Variants in SGCZ observed in about 807,000 individuals in gnomAD.
SGCZ encodes sarcoglycan zeta, also known as zeta-sarcoglycan.
Under a neutral mutation model 41.3 loss-of-function variants are expected in SGCZ, and 40 were observed. That is an observed-to-expected ratio of 0.97 (90% CI 0.75 to 1.26). The LOEUF (loss-of-function observed/expected upper bound fraction) is 1.26. Among genes scored for constraint, SGCZ ranks in the 50% most tolerant of loss-of-function variants. The pLI is 0.00. For missense variants in SGCZ, 552 were observed against 369.8 expected (o/e 1.49, Z -4.04); for synonymous variants, 206 against 137.5 (o/e 1.50, Z -3.49).
intron 1 of SGCZ, among the ~76,000 whole-genome samples, chr8:15,114,258 T>C (rs1195096717): frequency 6.6e-6 from 1 of 152,180 alleles, no homozygotes; most frequent in Non-Finnish European, 1.5e-5. Flanking sequence ...CTGGATGCCT[T>C]GTATATTTGA....
At chr8:14,585,026 C>T (rs1208479804) in intron 1 of SGCZ, among the ~76,000 whole-genome samples, 5 of 152,122 alleles carry the variant, frequency 3.3e-5, no homozygotes, top group Non-Finnish European at 5.9e-5. Flanking sequence ...AAAAATCTAA[C>T]TCATTCAACT....
At chr8:14,807,248 A>G (rs1191032851) in intron 1 of SGCZ, among the ~76,000 whole-genome samples, 2 of 152,114 alleles carry the variant, frequency 1.3e-5, no homozygotes, top group African/African-American at 4.8e-5. Flanking sequence ...GGCAGGAGAA[A>G]GAAATAAAGG....
In SGCZ at chr8:14,736,708, T is replaced by G. The variant is rs542428369; in HGVS notation, c.40-181782A>C. Among the ~76,000 whole-genome samples the G allele has an allele frequency of 2.9e-3, 444 of 152,202 alleles. 6 individuals are homozygous for G. Among genetic ancestry groups the G allele is most frequent in the African/African-American group, 0.01 (430 of 41,534 alleles). On this transcript the variant is annotated intron_variant, in intron 1 of 7. Coordinates refer to ENST00000382080, the MANE Select transcript of SGCZ (RefSeq NM_139167.4). Reference sequence around the variant, plus strand: ...GTCCTCATAGCTTAGCTCCCACATATCAGTGAGAATATACGATGTTTGGTT... The same window carrying G: ...GTCCTCATAGCTTAGCTCCCACATAGCAGTGAGAATATACGATGTTTGGTT...
chr8:14,087,306 T>A lies in SGCZ; in HGVS notation c.*3137A>T, dbSNP rs924288858. 3.6e-5 allele frequency among the ~76,000 whole-genome samples: 1 copy of A among 27,676 alleles called. No homozygotes were observed. The highest frequency in any genetic ancestry group is 3.9e-4 in the Admixed American group (1 of 2,532). The allele number at this position is 27,676 out of a possible 152,430, so 18.2% of individuals were successfully genotyped here. On this transcript the variant is annotated 3_prime_UTR_variant, in exon 8 of 8. Transcript: ENST00000382080. ...TTGGAAGTTTTTGTTGTTCTTGCTG[T>A]TTTTTTTTGAAGTATTTAATTGAAA...
intron 2 of SGCZ, among the ~76,000 whole-genome samples, chr8:14,418,010 G>T (rs895755490): frequency 2.0e-5 from 3 of 151,730 alleles, no homozygotes; most frequent in Non-Finnish European, 2.9e-5. Flanking sequence ...TACAAAAGGA[G>T]TCCTGATCCT....
chr8:14,312,154 C>G (rs1175760211), intron 3 of SGCZ, among the ~76,000 whole-genome samples: 1 of 151,900 alleles, frequency 6.6e-6, no homozygotes, highest in Non-Finnish European at 1.5e-5. Flanking sequence ...TGTATACATG[C>G]CTATAATTAA....
At chr8:14,823,530 C>T (rs1035166393) in intron 1 of SGCZ, among the ~76,000 whole-genome samples, 1 of 152,088 alleles carries the variant, frequency 6.6e-6, no homozygotes, top group Non-Finnish European at 1.5e-5. Flanking sequence ...ACAATAAATA[C>T]CACCTCTTTC....
At position 14,312,942 on chromosome 8, in the gene SGCZ, TCACCTTC is replaced by T. The variant is rs375611965; in HGVS notation, c.336+11154_336+11160del. Among the ~76,000 whole-genome samples the T allele has an allele frequency of 5.3e-3, 806 of 152,288 alleles. 4 individuals are homozygous for T. Among genetic ancestry groups the T allele is most frequent in the Non-Finnish European group, 7.2e-3 (492 of 68,020 alleles). ...TAATAGAATTCTATAGACATTCCCT[TCACCTTC>T]TTACTAAGAAGACTGCGGATTCCTT... is the stretch of plus-strand genomic sequence containing the variant. On this transcript the variant is annotated intron_variant, in intron 3 of 7. Coordinates refer to ENST00000382080, the MANE Select transcript of SGCZ (RefSeq NM_139167.4).
At position 15,096,754 on chromosome 8, in the gene SGCZ, C is replaced by A. The variant is rs113793097; in HGVS notation, c.39+140831G>T. Among the ~76,000 whole-genome samples, 956 of 152,146 alleles carry A rather than the reference C, an allele frequency of 6.3e-3. 8 individuals carry two copies. Among genetic ancestry groups the A allele is most frequent in the African/African-American group, 0.021 (886 of 41,508 alleles). ...AGGCTGGAGTGCAGTGGTGCAATCT[C>A]GGCTCACTGTAACCTCCACCTCCAG... On this transcript the variant is annotated intron_variant, in intron 1 of 7. Transcript: ENST00000382080.
chr8:14,246,855 A>G (rs867464788), intron 3 of SGCZ, among the ~76,000 whole-genome samples: 91 of 142,772 alleles, frequency 6.4e-4, no homozygotes, highest in African/African-American at 2.2e-3. Context: ...GCTTGCAGTG[A>G]GCCGAGATCG....
At chr8:14,504,868 C>T (rs1188268773) in intron 2 of SGCZ, among the ~76,000 whole-genome samples, 1 of 152,116 alleles carries the variant, frequency 6.6e-6, no homozygotes, top group South Asian at 2.1e-4. Flanking sequence ...TTTCACTTTC[C>T]TCTTTCTTTA....
chr8:14,886,995 G>T (rs148528555), intron 1 of SGCZ, among the ~76,000 whole-genome samples: 1 of 152,084 alleles, frequency 6.6e-6, no homozygotes, highest in Non-Finnish European at 1.5e-5. Context: ...CAACGATGAC[G>T]TCAGAGTTTT....
In SGCZ at chr8:15,127,235, C is replaced by A. The variant is rs1030025534; in HGVS notation, c.39+110350G>T. 2.5e-3 allele frequency among the ~76,000 whole-genome samples: 41 copies of A among 16,288 alleles called. No individual in the cohort carries two copies. In the East Asian group the frequency reaches 0.079, roughly 31 times the overall value. 10.7% of individuals were successfully genotyped at this position (16,288 alleles called of 152,430 possible). ...TAAAAAGTAGAAACATCTATAGGCA[C>A]ACACACACACACACACACACAAACA... On this transcript the variant is annotated intron_variant, in intron 1 of 7. Transcript: ENST00000382080.
At chr8:14,934,842 A>C (rs909890477) in intron 1 of SGCZ, among the ~76,000 whole-genome samples, 1 of 151,750 alleles carries the variant, frequency 6.6e-6, no homozygotes, top group Admixed American at 6.6e-5. Flanking sequence ...GGCTACCTAC[A>C]AAGAAACAAC....
At chr8:14,810,059 C>G (rs1801693612) in intron 1 of SGCZ, among the ~76,000 whole-genome samples, 4 of 151,910 alleles carry the variant, frequency 2.6e-5, no homozygotes, top group Admixed American at 2.6e-4. Flanking sequence ...TAACATACCA[C>G]AGACTATTTT....
intron 4 of SGCZ, among the ~76,000 whole-genome samples, chr8:14,173,166 A>C (rs1405603445): frequency 7.8e-6 from 1 of 127,432 alleles, no homozygotes; most frequent in Non-Finnish European, 2.0e-5. Context: ...TCCTGCTTTG[A>C]GAGTTTTTTT....
At chr8:15,224,925 C>T (rs2117193307) in intron 1 of SGCZ, among the ~76,000 whole-genome samples, 1 of 152,234 alleles carries the variant, frequency 6.6e-6, no homozygotes, top group South Asian at 2.1e-4. Flanking sequence ...TTATATGTAT[C>T]TTATAACATA....
chr8:14,675,251 C>A (rs1808236744), intron 1 of SGCZ, among the ~76,000 whole-genome samples: 1 of 151,806 alleles, frequency 6.6e-6, no homozygotes, highest in East Asian at 1.9e-4. Flanking sequence ...AACCTCTTTT[C>A]TTATAAATTA....
chr8:14,586,376 G>C (rs1805058042), intron 1 of SGCZ, among the ~76,000 whole-genome samples: 1 of 151,974 alleles, frequency 6.6e-6, no homozygotes, highest in Non-Finnish European at 1.5e-5. Context: ...ATCACAACAG[G>C]CTAATTTTTG....
Sources: allele counts gnomAD v4.1 joint callset (sites outside exome capture counted in the v4.1 genomes callset), GRCh38; gene constraint gnomAD v4.1.1; transcripts MANE v1.5; gene names NCBI Gene and HGNC (gene_info 2026-07-23, HGNC 2026-07-21).